ACSS1: variants seen among roughly 807,000 people sequenced by gnomAD.
The protein encoded by ACSS1 is acyl-CoA synthetase short chain family member 1, also known as acetyl-coenzyme A synthetase 2-like, mitochondrial.
Under a neutral mutation model 75.3 loss-of-function variants are expected in ACSS1, and 42 were observed. The ratio of observed to expected loss-of-function variants is 0.56; its 90% CI spans 0.44 to 0.72. The LOEUF (loss-of-function observed/expected upper bound fraction) is 0.72. Among genes scored for constraint, ACSS1 ranks in the 30% least tolerant of loss-of-function variants. The pLI is 0.00. For synonymous variants in ACSS1, 380 were observed against 376.8 expected (o/e 1.01, Z -0.10); for missense variants, 782 against 935.7 (o/e 0.84, Z 2.14).
chr20:25,032,311 A>G (rs1339555832), intron 2 of ACSS1: 4 of 1,284,566 alleles, frequency 3.1e-6, no homozygotes, highest in Non-Finnish European at 4.0e-6. Flanking sequence ...TGGTCCAGTC[A>G]GAGTCAACCA....
intron 1 of ACSS1, among the ~76,000 whole-genome samples, chr20:25,057,324 C>A (rs2089255898): frequency 6.6e-6 from 1 of 152,240 alleles, no homozygotes; most frequent in Non-Finnish European, 1.5e-5. Context: ...CACCGCAGCC[C>A]GCAGTGACAA....
At chr20:25,008,033 G>T (rs2088340750) in intron 13 of ACSS1, 92 bp from the exon 14 acceptor site, 4 of 1,452,576 alleles carry the variant, frequency 2.8e-6, no homozygotes, top group Non-Finnish European at 3.7e-6. Flanking sequence ...GCTCTGCTCA[G>T]GGGGGATGCC....
chr20:25,022,703 C>T (rs983073875), intron 5 of ACSS1, among the ~76,000 whole-genome samples: 6 of 152,242 alleles, frequency 3.9e-5, no homozygotes, highest in Non-Finnish European at 7.3e-5. Context: ...GTCCTGCTGC[C>T]GCGTTACATG....
At chr20:25,023,367 C>A (rs2088658910) in intron 4 of ACSS1, 99 bp downstream of exon 4, 2 of 1,461,836 alleles carry the variant, frequency 1.4e-6, no homozygotes, top group East Asian at 2.4e-5. Flanking sequence ...CCCTGGGCAC[C>A]TCTAGGGAAC....
chr20:25,053,556 A>G (rs191631698), intron 1 of ACSS1, among the ~76,000 whole-genome samples: 1 of 152,272 alleles, frequency 6.6e-6, no homozygotes, highest in East Asian at 1.9e-4. Context: ...TTTTTCATGT[A>G]GAGTTCCCTG....
intron 3 of ACSS1, among the ~76,000 whole-genome samples, chr20:25,029,235 G>T (rs908079899): frequency 2.0e-5 from 3 of 152,182 alleles, no homozygotes; most frequent in Non-Finnish European, 2.9e-5. Flanking sequence ...AGTAGACTTT[G>T]TCCAGTGAAA....
At chr20:25,022,395 GA>G (rs2088639055) in intron 5 of ACSS1, among the ~76,000 whole-genome samples, 1 of 140,876 alleles carries the variant, frequency 7.1e-6, no homozygotes. Flanking sequence ...CAAAACAAAA[GA>G]AAAAACAATA....
intron 3 of ACSS1, among the ~76,000 whole-genome samples, chr20:25,024,389 C>T (rs774236247): frequency 2.6e-5 from 4 of 152,210 alleles, no homozygotes; most frequent in African/African-American, 7.2e-5. Flanking sequence ...TGCCCCAGTG[C>T]GGGATGACCC....
chr20:25,012,651 G>A lies in ACSS1; in HGVS notation c.1721C>T (p.Ala574Val). 1.2e-6 allele frequency: 2 copies of A among 1,614,170 alleles called. No individual in the cohort carries two copies. The highest frequency in any genetic ancestry group is 1.7e-6 in the Non-Finnish European group (2 of 1,180,036). ...EIEDAIADHP[A>V]VPESAVIGYP... ...GCCAATGACAGCACTTTCTGGTACT[G>A]CAGGGTGGTCGGCCTGTGTACAACA... Residue 574 changes from alanine to valine, a missense_variant, in exon 12 of 14, where the codon GCA becomes GTA. This residue lies in a region of ACSS1 where 405 missense variants were observed against 552.6 expected (regional missense o/e 0.73). Transcript: ENST00000323482.
chr20:25,008,533 G>A (rs537952057), intron 13 of ACSS1, among the ~76,000 whole-genome samples: 10 of 152,310 alleles, frequency 6.6e-5, no homozygotes, highest in African/African-American at 2.2e-4. Context: ...TGGGCCAAAT[G>A]TGTCAACTCC....
At chr20:25,054,385 G>A (rs2089215014) in intron 1 of ACSS1, among the ~76,000 whole-genome samples, 1 of 152,216 alleles carries the variant, frequency 6.6e-6, no homozygotes, top group Non-Finnish European at 1.5e-5. Context: ...CAGTGACTGG[G>A]GATGTATAAT....
At chr20:25,024,416 C>T (rs949224398) in intron 3 of ACSS1, among the ~76,000 whole-genome samples, 4 of 152,152 alleles carry the variant, frequency 2.6e-5, no homozygotes, top group Non-Finnish European at 5.9e-5. Flanking sequence ...ATCACAGCTG[C>T]GGGGGGTTAC....
At chr20:25,056,867 G>A (rs1161017849) in intron 1 of ACSS1, among the ~76,000 whole-genome samples, 1 of 151,886 alleles carries the variant, frequency 6.6e-6, no homozygotes, top group Non-Finnish European at 1.5e-5. Context: ...GGCCCACCCT[G>A]CATCCGGAGC....
intron 1 of ACSS1, among the ~76,000 whole-genome samples, chr20:25,048,421 G>A (rs1383023528): frequency 2.0e-5 from 3 of 152,170 alleles, no homozygotes; most frequent in African/African-American, 7.2e-5. Context: ...CTTCACACCA[G>A]TGGACCCAAC....
chr20:25,028,000 T>A (rs2122670049), intron 3 of ACSS1, among the ~76,000 whole-genome samples: 1 of 152,180 alleles, frequency 6.6e-6, no homozygotes, highest in African/African-American at 2.4e-5. Context: ...TAAAGGAAAT[T>A]AGGAAAACAA....
intron 1 of ACSS1, among the ~76,000 whole-genome samples, chr20:25,055,766 C>A (rs2089232945): frequency 6.6e-6 from 1 of 152,178 alleles, no homozygotes; most frequent in African/African-American, 2.4e-5. Context: ...GAGTGATATT[C>A]CTTTGGAACA....
At chr20:25,053,598 G>A (rs919405844) in intron 1 of ACSS1, among the ~76,000 whole-genome samples, 8 of 152,094 alleles carry the variant, frequency 5.3e-5, no homozygotes, top group African/African-American at 1.7e-4. Context: ...TTAATCACTG[G>A]AATCACTAGG....
At chr20:25,053,963 G>A (rs1219551434) in intron 1 of ACSS1, among the ~76,000 whole-genome samples, 3 of 152,220 alleles carry the variant, frequency 2.0e-5, no homozygotes, top group African/African-American at 7.2e-5. Context: ...ATATGCCACA[G>A]GGCAAAAAGA....
intron 2 of ACSS1, chr20:25,032,385 A>G (rs1029357265): frequency 3.6e-6 from 5 of 1,397,982 alleles, no homozygotes; most frequent in African/African-American, 1.5e-5. Flanking sequence ...TGCGGTGCGA[A>G]GTGGAGGAAG....
Sources: allele counts gnomAD v4.1 joint callset (sites outside exome capture counted in the v4.1 genomes callset), GRCh38; gene constraint gnomAD v4.1.1; regional missense constraint gnomAD v4.1.1; transcripts MANE v1.5; gene names NCBI Gene and HGNC (gene_info 2026-07-23, HGNC 2026-07-21).